The following UGT1A8 variants were observed in gnomAD, a reference collection of about 807,000 sequenced individuals.
UGT1A8 encodes UDP glucuronosyltransferase family 1 member A8.
Under a neutral mutation model 45.3 loss-of-function variants are expected in UGT1A8, and 39 were observed. The ratio of observed to expected loss-of-function variants is 0.86; its 90% CI spans 0.67 to 1.12. The LOEUF (loss-of-function observed/expected upper bound fraction) is 1.12, where lower values mean the gene tolerates loss of function less well. Ranked by LOEUF, UGT1A8 falls within the 50% of genes most tolerant of loss-of-function variation. The pLI, the probability that UGT1A8 is intolerant of heterozygous loss-of-function variation, is 0.00. For missense variants in UGT1A8, 719 were observed against 664.9 expected, an observed-to-expected ratio of 1.08 and a Z score of -0.90; for synonymous variants, 275 against 249.2, an observed-to-expected ratio of 1.10 and a Z score of -0.97.
At chr2:233,717,755 A>G in intron 1 of UGT1A8, 1 of 456,600 alleles carries the variant, frequency 2.2e-6, no homozygotes, top group South Asian at 1.5e-5. Flanking sequence ...CTCCCCCTAG[A>G]AAGGCACACA....
intron 1 of UGT1A8, among the ~76,000 whole-genome samples, chr2:233,681,530 CAAAAAAAAAAA>C (rs747693860): frequency 2.6e-5 from 2 of 77,710 alleles, no homozygotes; most frequent in Non-Finnish European, 5.1e-5. Context: ...GACTCCATCT[CAAAAAAAAAAA>C]AAAAAAAAAA....
chr2:233,714,477 G>A (rs45505392), intron 1 of UGT1A8, among the ~76,000 whole-genome samples: 3,267 of 152,154 alleles, frequency 0.021, 113 homozygotes, highest in African/African-American at 0.075. Context: ...ATAGGAGAAT[G>A]TTTCTTGTGA....
At chr2:233,718,650 G>C (rs762582073) in intron 1 of UGT1A8, 2 of 1,506,594 alleles carry the variant, frequency 1.3e-6, no homozygotes, top group Non-Finnish European at 1.8e-6. Context: ...GGCCCATAAC[G>C]AAAGGCAGTT....
At chr2:233,669,276 A>T (rs1202746582) in intron 1 of UGT1A8, among the ~76,000 whole-genome samples, 3 of 152,094 alleles carry the variant, frequency 2.0e-5, no homozygotes, top group African/African-American at 7.2e-5. Context: ...TATTTTTTAA[A>T]AGTTATTTTT....
At chr2:233,687,001 A>G (rs1049293019) in intron 1 of UGT1A8, among the ~76,000 whole-genome samples, 2 of 152,224 alleles carry the variant, frequency 1.3e-5, no homozygotes, top group Non-Finnish European at 2.9e-5. Flanking sequence ...TGGTTTCAAC[A>G]CTAGAGGACT....
At chr2:233,747,297 T>TG (rs1437353605) in intron 1 of UGT1A8, 13 of 1,601,102 alleles carry the variant, frequency 8.1e-6, no homozygotes, top group Non-Finnish European at 1.1e-5. Context: ...GGGCTGAGAG[T>TG]GGGAAGGTGC....
At chr2:233,654,817 C>A (rs1212171616) in intron 1 of UGT1A8, among the ~76,000 whole-genome samples, 1 of 152,176 alleles carries the variant, frequency 6.6e-6, no homozygotes, top group East Asian at 1.9e-4. Context: ...TAAGGCCCAG[C>A]ACAGTGGCTC....
At position 233,671,827 on chromosome 2, in the gene UGT1A8, T is replaced by C; in HGVS notation, c.855+53265T>C. The C allele has an allele frequency of 5.5e-6, 8 of 1,450,186 alleles. No homozygotes were observed. The East Asian group carries it at 1.7e-4, about 30-fold the overall frequency. The allele number at this position is 1,450,186 out of a possible 1,614,324, so 89.8% of individuals were successfully genotyped here. ...GACTGATTTTTTTTTTATGAAAGGATAAAAACACGCCCTCTATTGGGGTCA... is the reference window on the plus strand; with the variant it reads ...GACTGATTTTTTTTTTATGAAAGGACAAAAACACGCCCTCTATTGGGGTCA... On this transcript the variant is annotated intron_variant, in intron 1 of 4. Transcript: ENST00000373450.
At chr2:233,621,028 T>A (rs1259458118) in intron 1 of UGT1A8, among the ~76,000 whole-genome samples, 1 of 152,156 alleles carries the variant, frequency 6.6e-6, no homozygotes, top group African/African-American at 2.4e-5. Flanking sequence ...CACAGGGGAT[T>A]TCTTGAAGAT....
intron 1 of UGT1A8, among the ~76,000 whole-genome samples, chr2:233,766,144 C>T (rs2126022792): frequency 6.6e-6 from 1 of 152,268 alleles, no homozygotes; most frequent in South Asian, 2.1e-4. Flanking sequence ...TCGAATCCCA[C>T]CTGGGCTTGG....
chr2:233,693,316 C>A, intron 1 of UGT1A8: 1 of 1,614,156 alleles, frequency 6.2e-7, no homozygotes, highest in Admixed American at 1.7e-5. Context: ...AGCGATCATT[C>A]CTAACTGCTC....
intron 1 of UGT1A8, chr2:233,747,720 G>C: frequency 6.2e-7 from 1 of 1,613,342 alleles, no homozygotes; most frequent in African/African-American, 1.3e-5. Flanking sequence ...AATTCCTGCT[G>C]TGTTTTTTTT....
chr2:233,644,231 A>G (rs1575396629), intron 1 of UGT1A8, among the ~76,000 whole-genome samples: 2 of 151,906 alleles, frequency 1.3e-5, no homozygotes, highest in East Asian at 1.9e-4. Flanking sequence ...TCAAGTTCAG[A>G]CCTCTGAGAT....
At chr2:233,729,668 A>C (rs1346265450) in intron 1 of UGT1A8, 12 of 1,613,764 alleles carry the variant, frequency 7.4e-6, no homozygotes, top group Non-Finnish European at 1.0e-5. Context: ...TGTGATTTAG[A>C]CTTTAAGGGC....
intron 1 of UGT1A8, among the ~76,000 whole-genome samples, chr2:233,665,637 T>C (rs571498764): frequency 2.6e-5 from 4 of 152,322 alleles, no homozygotes; most frequent in South Asian, 2.1e-4. Flanking sequence ...GGCTCTGAGG[T>C]CTAAGGGCAG....
chr2:233,747,506 A>G, intron 1 of UGT1A8: 1 of 1,608,324 alleles, frequency 6.2e-7, no homozygotes, highest in Non-Finnish European at 8.5e-7. Flanking sequence ...GCCACACTCA[A>G]CTGTACTTTG....
chr2:233,640,348 T>A (rs1427077512), intron 1 of UGT1A8, among the ~76,000 whole-genome samples: 1 of 152,198 alleles, frequency 6.6e-6, no homozygotes, highest in African/African-American at 2.4e-5. Context: ...GTCATTTTTT[T>A]AGTGGAAATT....
chr2:233,638,074 T>A lies in UGT1A8; in HGVS notation c.855+19512T>A, dbSNP rs1226645191. Reference sequence around the variant, plus strand: ...ATATATTTCTATATTCTTGCTTTTATCTTAGTAGACTAGAGTCCTACACGT... The same window carrying A: ...ATATATTTCTATATTCTTGCTTTTAACTTAGTAGACTAGAGTCCTACACGT... On this transcript the variant is annotated intron_variant, in intron 1 of 4. Coordinates refer to ENST00000373450, the MANE Select transcript of UGT1A8 (RefSeq NM_019076.5). 3.9e-5 allele frequency among the ~76,000 whole-genome samples: 6 copies of A among 152,318 alleles called. No individual in the cohort carries two copies. The South Asian group carries it at 1.0e-3, about 26-fold the overall frequency.
intron 1 of UGT1A8, among the ~76,000 whole-genome samples, chr2:233,674,826 G>A (rs760592021): frequency 6.6e-6 from 1 of 152,188 alleles, no homozygotes; most frequent in Non-Finnish European, 1.5e-5. Flanking sequence ...CCGGCAAAGA[G>A]CCTTGGATAT....
Sources: gnomAD v4.1 joint callset for allele counts (sites outside exome capture counted in the v4.1 genomes callset) on GRCh38, gnomAD v4.1.1 for gene constraint, MANE v1.5 for transcripts, NCBI Gene and HGNC (gene_info 2026-07-23, HGNC 2026-07-21) for gene names.